The following SLC24A2 variants were observed in gnomAD, a reference collection of about 807,000 sequenced individuals.
SLC24A2 encodes the protein sodium/potassium/calcium exchanger 2.
SLC24A2 carries 36 observed loss-of-function variants against 62.0 expected under a neutral mutation model. That is an observed-to-expected ratio of 0.58 (90% CI 0.44 to 0.77). The LOEUF is 0.77. Ranked by LOEUF, SLC24A2 falls within the 30% of genes least tolerant of loss-of-function variation. SLC24A2 has a pLI of 0.00. For missense variants in SLC24A2, 846 were observed against 817.9 expected (o/e 1.03, Z -0.42); for synonymous variants, 358 against 294.0 (o/e 1.22, Z -2.23).
At chr9:19,841,849 C>T in the SLC24A2 span, among the ~76,000 whole-genome samples, 2 of 152,178 alleles carry the variant, frequency 1.3e-5, no homozygotes, top group Admixed American at 1.3e-4. Context: ...CTGTGGATAT[C>T]AGTAACACCA....
At chr9:19,977,863 G>C in the SLC24A2 span, among the ~76,000 whole-genome samples, 1 of 152,162 alleles carries the variant, frequency 6.6e-6, no homozygotes, top group Non-Finnish European at 1.5e-5. Context: ...AGAGCTCCCA[G>C]CCCCACAGAA....
At chr9:19,951,944 G>A in the SLC24A2 span, among the ~76,000 whole-genome samples, 1 of 152,076 alleles carries the variant, frequency 6.6e-6, no homozygotes, top group African/African-American at 2.4e-5. Context: ...TTTTTACAAT[G>A]TTGAGTTTTC....
the SLC24A2 span, among the ~76,000 whole-genome samples, chr9:19,909,607 A>C: frequency 6.6e-6 from 1 of 152,104 alleles, no homozygotes; most frequent in Non-Finnish European, 1.5e-5. Context: ...ATGAAACAGG[A>C]ATATTTTAGA....
the SLC24A2 span, among the ~76,000 whole-genome samples, chr9:20,237,782 T>A: frequency 1.7e-3 from 260 of 152,318 alleles, 1 homozygote; most frequent in African/African-American, 5.8e-3. Flanking sequence ...TTCTTAGCCC[T>A]ATCTTCATAG....
the SLC24A2 span, among the ~76,000 whole-genome samples, chr9:20,238,562 G>T: frequency 6.6e-6 from 1 of 152,104 alleles, no homozygotes; most frequent in East Asian, 1.9e-4. Context: ...GCTTTAAATG[G>T]GGCCTGGGGA....
chr9:20,023,709 A>C, the SLC24A2 span, among the ~76,000 whole-genome samples: 3 of 152,158 alleles, frequency 2.0e-5, no homozygotes, highest in Non-Finnish European at 2.9e-5. Context: ...CTTGGCTCCT[A>C]GTGATTTTGT....
the SLC24A2 span, among the ~76,000 whole-genome samples, chr9:20,268,229 G>C: frequency 6.6e-6 from 1 of 152,198 alleles, no homozygotes; most frequent in Non-Finnish European, 1.5e-5. Context: ...GGGAGGAGCA[G>C]AGGAGAGGGC....
intron 2 of SLC24A2, among the ~76,000 whole-genome samples, chr9:19,647,302 C>T (rs543452143): frequency 2.6e-5 from 4 of 152,274 alleles, no homozygotes; most frequent in South Asian, 4.1e-4. Flanking sequence ...TTCAAAGCCA[C>T]CCCTTTTTTC....
chr9:19,550,138 G>C lies in SLC24A2; in HGVS notation c.1478C>G (p.Pro493Arg). The stretch of plus-strand genomic sequence containing the variant: ...CTATTTTTAAAATGCTTTACTTACA[G>C]GTTTGCGAACGTCAGGTAACGTAAT... ...LWITLPDVRK[P>R]SSRKFFPITF... is the part of the protein sequence containing the mutation. Residue 493 changes from proline (P) to arginine (R), a missense_variant and splice_region_variant, in exon 8 of 11, where the codon CCT becomes CGT. Transcript: ENST00000341998. 1.2e-6 allele frequency: 2 copies of C among 1,613,726 alleles called. No homozygotes were observed. The highest frequency in any genetic ancestry group is 1.7e-6 in the Non-Finnish European group (2 of 1,179,776).
rs113717082 is a variant in SLC24A2 at position 19,547,790 on chromosome 9, GGCCACACAAAA to G, written c.1479+2336_1479+2346del. ...CTGTCTCCCTGATTTTCCTCCCTAGGGCCACACAAAAGCATTGGACTAAACAGCAGAGCAAG... is the reference window on the plus strand; with the variant it reads ...CTGTCTCCCTGATTTTCCTCCCTAGGGCATTGGACTAAACAGCAGAGCAAG... On this transcript the variant is annotated intron_variant, in intron 8 of 10. Coordinates refer to ENST00000341998, the MANE Select transcript of SLC24A2 (RefSeq NM_020344.4). 2.3e-3 allele frequency among the ~76,000 whole-genome samples: 341 copies of G among 151,514 alleles called. 12 individuals are homozygous for G. Among genetic ancestry groups the G allele is most frequent in the African/African-American group, 8.1e-3 (332 of 40,884 alleles).
At chr9:19,575,436 C>T (rs1324250021) in intron 6 of SLC24A2, among the ~76,000 whole-genome samples, 1 of 152,192 alleles carries the variant, frequency 6.6e-6, no homozygotes, top group Non-Finnish European at 1.5e-5. Flanking sequence ...CAGAGATGAA[C>T]AGATGAGCAG....
chr9:19,949,867 A>G, the SLC24A2 span, among the ~76,000 whole-genome samples: 1 of 152,192 alleles, frequency 6.6e-6, no homozygotes, highest in African/African-American at 2.4e-5. Flanking sequence ...TGGACTGCCT[A>G]CCAGTCTGCA....
chr9:19,637,701 T>G (rs1353602180), intron 2 of SLC24A2, among the ~76,000 whole-genome samples: 1 of 152,214 alleles, frequency 6.6e-6, no homozygotes, highest in Non-Finnish European at 1.5e-5. Flanking sequence ...CTTCTTTGTT[T>G]CACAGCTGGA....
chr9:19,796,650 T>G, the SLC24A2 span, among the ~76,000 whole-genome samples: 1 of 152,274 alleles, frequency 6.6e-6, no homozygotes, highest in African/African-American at 2.4e-5. Context: ...AAATCTAGGT[T>G]AGAAATCATC....
At chr9:19,551,181 T>G (rs1402384503) in intron 7 of SLC24A2, among the ~76,000 whole-genome samples, 1 of 152,198 alleles carries the variant, frequency 6.6e-6, no homozygotes, top group Non-Finnish European at 1.5e-5. Flanking sequence ...TAACCACAGC[T>G]AAATTCTAAA....
In SLC24A2 at chr9:19,761,919, G is replaced by A. The variant is rs556384068; in HGVS notation, c.930+24018C>T. Among the ~76,000 whole-genome samples the A allele has an allele frequency of 3.3e-5, 5 of 152,190 alleles. No individual in the cohort carries two copies. The East Asian group carries it at 5.8e-4, about 18-fold the overall frequency. On this transcript the variant is annotated intron_variant, in intron 2 of 10. Coordinates refer to ENST00000341998, the MANE Select transcript of SLC24A2 (RefSeq NM_020344.4). ...GGGTTGGTTCCAAGTCTTTGCTGTC[G>A]TGAATAGTGCCGCAATAAACATACG...
At chr9:19,613,109 T>C (rs1473763348) in intron 4 of SLC24A2, among the ~76,000 whole-genome samples, 2 of 152,214 alleles carry the variant, frequency 1.3e-5, no homozygotes, top group African/African-American at 2.4e-5. Flanking sequence ...GTGATAATGC[T>C]ACACTTTGTT....
At chr9:19,746,319 C>A (rs1239723802) in intron 2 of SLC24A2, among the ~76,000 whole-genome samples, 1 of 152,086 alleles carries the variant, frequency 6.6e-6, no homozygotes, top group East Asian at 1.9e-4. Context: ...GATGCAAAAT[C>A]TAAGTGAAAT....
the SLC24A2 span, among the ~76,000 whole-genome samples, chr9:20,026,143 T>C: frequency 6.6e-6 from 1 of 152,324 alleles, no homozygotes; most frequent in Non-Finnish European, 1.5e-5. Flanking sequence ...CAGGCTGTTT[T>C]AAGACAGAAG....
Sources: allele counts gnomAD v4.1 joint callset (sites outside exome capture counted in the v4.1 genomes callset), GRCh38; gene constraint gnomAD v4.1.1; transcripts MANE v1.5; gene names NCBI Gene and HGNC (gene_info 2026-07-23, HGNC 2026-07-21).